The following NFASC variants were observed in gnomAD, a reference collection of about 807,000 sequenced individuals.
The protein encoded by NFASC is neurofascin.
Under a neutral mutation model 147.5 loss-of-function variants are expected in NFASC, and 43 were observed. The observed-to-expected ratio is 0.29, with a 90% confidence interval of 0.23 to 0.38. The LOEUF (loss-of-function observed/expected upper bound fraction) is 0.38. Among genes scored for constraint, NFASC ranks in the 10% least tolerant of loss-of-function variants. NFASC has a pLI of 1.00. For synonymous variants in NFASC, 622 were observed against 665.5 expected (o/e 0.93, Z 1.01); for missense variants, 1,320 against 1,689.0 (o/e 0.78, Z 3.83).
intron 1 of NFASC, among the ~76,000 whole-genome samples, chr1:204,889,574 C>A (rs1315412203): frequency 6.6e-6 from 1 of 152,232 alleles, no homozygotes; most frequent in African/African-American, 2.4e-5. Flanking sequence ...TTACGGTGTT[C>A]ACTTTTACCC....
At chr1:204,872,172 C>A (rs2077831673) in intron 1 of NFASC, among the ~76,000 whole-genome samples, 1 of 152,242 alleles carries the variant, frequency 6.6e-6, no homozygotes, top group African/African-American at 2.4e-5. Context: ...CAGAGGCAGT[C>A]AGACCTCACC....
chr1:204,986,255 C>T lies in NFASC; in HGVS notation c.2471-1163C>T. Reference sequence around the variant, plus strand: ...CCTCCAGGAGCGGATGACCTGCAAGCCGAGCCACTACAGCCATTCCCAGAC... The same window carrying T: ...CCTCCAGGAGCGGATGACCTGCAAGTCGAGCCACTACAGCCATTCCCAGAC... On this transcript the variant is annotated intron_variant, in intron 21 of 29. Coordinates refer to ENST00000339876, the MANE Select transcript of NFASC (RefSeq NM_001005388.3). The surrounding 1 kb of genome is among the most constrained non-coding windows in gnomAD (Gnocchi z 4.2). The T allele has an allele frequency of 1.5e-6, 1 of 648,626 alleles. No homozygotes were observed. Among genetic ancestry groups the T allele is most frequent in the Admixed American group, 2.4e-5 (1 of 42,430 alleles). The allele number at this position is 648,626 out of a possible 1,614,324, so 40.2% of individuals were successfully genotyped here.
chr1:204,969,119 C>A, intron 10 of NFASC, 137 bp downstream of exon 10: 1 of 754,202 alleles, frequency 1.3e-6, no homozygotes, highest in Non-Finnish European at 2.2e-6. Flanking sequence ...TGGCGATCTG[C>A]CATGGATGGT....
chr1:204,944,452 CAGA>C, intron 3 of NFASC, 46 bp downstream of exon 3: 2 of 684,548 alleles, frequency 2.9e-6, no homozygotes, highest in African/African-American at 1.9e-5. Flanking sequence ...TGATTTTGGG[CAGA>C]GGGGTGGGAG....
Position 204,865,546 on chromosome 1 carries a change from T to G in NFASC, c.-200+36764T>G, listed in dbSNP as rs182750521. 1.5e-4 allele frequency among the ~76,000 whole-genome samples: 23 copies of G among 152,354 alleles called. No individual in the cohort carries two copies. The East Asian group carries it at 4.2e-3, about 28-fold the overall frequency. On this transcript the variant is annotated intron_variant, in intron 1 of 29. Transcript: ENST00000339876. Reference sequence around the variant, plus strand: ...GTTGAAGAAACTGTTCTTTCCCCATTGAGTGGACTTGGTACTCTTGTCAAA... The same window carrying G: ...GTTGAAGAAACTGTTCTTTCCCCATGGAGTGGACTTGGTACTCTTGTCAAA...
chr1:204,912,277 C>G (rs1380727398), intron 1 of NFASC, among the ~76,000 whole-genome samples: 5 of 151,960 alleles, frequency 3.3e-5, no homozygotes, highest in Non-Finnish European at 5.9e-5. Flanking sequence ...GATTTATAAA[C>G]TTCCCCTTAG....
chr1:204,997,771 G>T (rs887228587), intron 25 of NFASC: 7 of 384,154 alleles, frequency 1.8e-5, no homozygotes, highest in African/African-American at 1.4e-4. Context: ...TCAGCTCAGA[G>T]CCGAGCACTC....
rs1250926541 is a variant in NFASC, at chr1:205,016,658, G to A, written c.*119G>A. On this transcript the variant is annotated 3_prime_UTR_variant, in exon 30 of 30. Coordinates refer to ENST00000339876, the MANE Select transcript of NFASC (RefSeq NM_001005388.3). The surrounding 1 kb of genome is among the most constrained non-coding windows in gnomAD (Gnocchi z 5.1). ...ACCTTCAGTAACAAGGGTACGATAT[G>A]GGGGTCTGCCAAGCTGTGAGGACCA... The A allele has an allele frequency of 1.3e-6, 1 of 761,414 alleles. No individual in the cohort carries two copies. The highest frequency in any genetic ancestry group is 2.7e-5 in the East Asian group (1 of 37,424). 47.2% of individuals were successfully genotyped at this position (761,414 alleles called of 1,614,324 possible). A position where few individuals can be genotyped will look rare whatever the true frequency, so the allele number is the denominator to read the frequency against.
At chr1:205,007,377 T>TAG (rs1189981052) in intron 27 of NFASC, among the ~76,000 whole-genome samples, 4 of 139,750 alleles carry the variant, frequency 2.9e-5, no homozygotes, top group South Asian at 4.4e-4. Flanking sequence ...ACCTGGGCAA[T>TAG]AGAGAGAGAC....
intron 3 of NFASC, chr1:204,945,027 G>A (rs1429662513): frequency 6.6e-6 from 1 of 152,188 alleles, no homozygotes; most frequent in Non-Finnish European, 1.5e-5. Context: ...AAGATAAAAA[G>A]TAAAATCGCT....
intron 1 of NFASC, among the ~76,000 whole-genome samples, chr1:204,900,550 G>A (rs917986536): frequency 5.3e-5 from 8 of 152,170 alleles, no homozygotes; most frequent in African/African-American, 1.9e-4. Context: ...AGATAGAATC[G>A]CTGTCTCTCA....
rs2095490859 is a variant in NFASC at position 204,980,486 on chromosome 1, TG to T, written c.2247+47del. The T allele has an allele frequency of 2.1e-6, 3 of 1,429,688 alleles. No individual in the cohort carries two copies. In the Admixed American group the frequency reaches 5.5e-5, roughly 26 times the overall value. The allele number at this position is 1,429,688 out of a possible 1,614,324, so 88.6% of individuals were successfully genotyped here. ...CAGTGGAGCAGCTCACCTTGCCGCA[TG>T]CACCGGGAGCCCCTCTCCCTTGATG... On this transcript the variant is annotated intron_variant, in intron 20 of 29. Coordinates refer to ENST00000339876, the MANE Select transcript of NFASC (RefSeq NM_001005388.3).
chr1:204,841,465 A>G (rs575270651), intron 1 of NFASC, among the ~76,000 whole-genome samples: 8 of 152,280 alleles, frequency 5.3e-5, no homozygotes, highest in Non-Finnish European at 1.2e-4. Context: ...ATCTTCTGTT[A>G]GGGAATGTTA....
At chr1:204,901,979 A>G (rs1175001480) in intron 1 of NFASC, among the ~76,000 whole-genome samples, 1 of 152,150 alleles carries the variant, frequency 6.6e-6, no homozygotes, top group African/African-American at 2.4e-5. Context: ...TAAACAAGGC[A>G]CTTACCCAAG....
At chr1:204,918,393 GT>G (rs1317528352) in intron 1 of NFASC, among the ~76,000 whole-genome samples, 2 of 152,046 alleles carry the variant, frequency 1.3e-5, no homozygotes, top group Non-Finnish European at 2.9e-5. Context: ...TAGTGTTAGT[GT>G]ATTCTATGTG....
chr1:205,005,428 G>A (rs923229598), intron 27 of NFASC, among the ~76,000 whole-genome samples: 7 of 152,124 alleles, frequency 4.6e-5, no homozygotes, highest in Admixed American at 3.3e-4. Flanking sequence ...CACAAAACAC[G>A]TCTTCTAGTC....
chr1:204,989,630 A>G (rs2095681527), intron 23 of NFASC: 1 of 152,220 alleles, frequency 6.6e-6, no homozygotes, highest in Admixed American at 6.5e-5. Flanking sequence ...GTCTCCAGAG[A>G]TACAATGGTC....
Position 204,922,404 on chromosome 1 carries a change from G to A in NFASC, c.-91+1664G>A, listed in dbSNP as rs575125403. Among the ~76,000 whole-genome samples the A allele has an allele frequency of 8.5e-5, 13 of 152,272 alleles. 1 individual carries two copies. The highest frequency in any genetic ancestry group is 1.2e-4 in the African/African-American group (5 of 41,558). On this transcript the variant is annotated intron_variant, in intron 2 of 29. Transcript: ENST00000339876. ...GACCAGAATAGATTCGTTCTGGCTC[G>A]TACTTCTGGACACCACCAGTCTAAC...
Position 204,988,735 on chromosome 1 carries a change from C to A in NFASC, c.2696C>A (p.Thr899Asn), listed in dbSNP as rs1161156596. 2 of 1,614,240 alleles carry A rather than the reference C, an allele frequency of 1.2e-6. No individual in the cohort carries two copies. Among genetic ancestry groups the A allele is most frequent in the Non-Finnish European group, 1.7e-6 (2 of 1,180,032 alleles). The change falls in exon 23 of 30, where the codon ACC (threonine) becomes AAC (asparagine). Residue 899 changes from threonine to asparagine, a missense_variant. Thr to Asn is a moderately conservative substitution (Grantham distance 65). Coordinates refer to ENST00000339876, the MANE Select transcript of NFASC (RefSeq NM_001005388.3). The part of the protein sequence containing the change: ...RTDPVSRYRF[T>N]LSARTQVGSG... ...GACCCCGTGTCACGCTACCGCTTTA[C>A]CCTCAGCGCCAGGACGCAGGTGGGC... is the stretch of plus-strand genomic sequence containing the variant.
Sources: gnomAD v4.1 joint callset for allele counts (sites outside exome capture counted in the v4.1 genomes callset) on GRCh38, gnomAD v4.1.1 for gene constraint, Gnocchi (gnomAD v3.1) non-coding constraint, MANE v1.5 for transcripts, NCBI Gene and HGNC (gene_info 2026-07-23, HGNC 2026-07-21) for gene names.